Variants in FBXO4 observed in about 807,000 individuals in gnomAD.
FBXO4 encodes F-box protein 4.
FBXO4 carries 36 observed loss-of-function variants against 43.7 expected under a neutral mutation model. That is an observed-to-expected ratio of 0.82 (90% CI 0.63 to 1.09). The LOEUF is 1.09. FBXO4 is among the 50% of genes least tolerant of loss of function. The pLI is 0.00. For synonymous variants in FBXO4, 180 were observed against 165.6 expected (o/e 1.09, Z -0.67); for missense variants, 435 against 474.1 (o/e 0.92, Z 0.77).
At chr5:42,006,916 A>ATATATATATG in the FBXO4 span, among the ~76,000 whole-genome samples, 1 of 140,908 alleles carries the variant, frequency 7.1e-6, no homozygotes, top group African/African-American at 2.6e-5. Context: ...ATATATATAT[A>ATATATATATG]TGTATATACA....
the FBXO4 span, among the ~76,000 whole-genome samples, chr5:41,956,369 G>A: frequency 6.6e-6 from 1 of 152,222 alleles, no homozygotes; most frequent in Non-Finnish European, 1.5e-5. Context: ...AGAAATAAAT[G>A]ATTGTTGAAC....
At chr5:41,944,995 T>C (rs10060170), downstream of FBXO4, among the ~76,000 whole-genome samples, 17,513 of 152,228 alleles carry the variant, frequency 0.12, 1,550 homozygotes, top group African/African-American at 0.24. Context: ...CTAGGAAGGA[T>C]TTGACAAGTT....
chr5:42,012,351 T>A, the FBXO4 span, among the ~76,000 whole-genome samples: 1 of 152,134 alleles, frequency 6.6e-6, no homozygotes, highest in Non-Finnish European at 1.5e-5. Flanking sequence ...TCTGTGTGTG[T>A]GTACACTGAA....
chr5:41,930,736 C>T (rs1048931456), intron 3 of FBXO4, among the ~76,000 whole-genome samples: 5 of 150,312 alleles, frequency 3.3e-5, no homozygotes, highest in Non-Finnish European at 5.9e-5. Context: ...GGCGCGATCT[C>T]GGCTCACTGC....
At chr5:42,032,057 CTGTGTGTGTGTG>C in the FBXO4 span, among the ~76,000 whole-genome samples, 51 of 139,324 alleles carry the variant, frequency 3.7e-4, no homozygotes, top group Admixed American at 5.7e-4. Context: ...GTCTTTTTTT[CTGTGTGTGTGTG>C]TGTGTGTGTG....
At chr5:41,957,998 G>A in the FBXO4 span, among the ~76,000 whole-genome samples, 1 of 151,990 alleles carries the variant, frequency 6.6e-6, no homozygotes, top group Non-Finnish European at 1.5e-5. Context: ...AATTATATAT[G>A]CTTATGGGGC....
chr5:41,927,673 T>A (rs565712562), intron 2 of FBXO4, among the ~76,000 whole-genome samples: 1 of 152,236 alleles, frequency 6.6e-6, no homozygotes, highest in African/African-American at 2.4e-5. Flanking sequence ...AGCACTGACA[T>A]TTTTTAATAT....
At chr5:42,005,925 C>T in the FBXO4 span, among the ~76,000 whole-genome samples, 1 of 152,092 alleles carries the variant, frequency 6.6e-6, no homozygotes, top group Non-Finnish European at 1.5e-5. Flanking sequence ...ACCCCTTAGC[C>T]TGGATCCTAA....
intron 5 of FBXO4, chr5:41,935,140 G>A (rs1375837349): frequency 6.1e-6 from 6 of 985,070 alleles, no homozygotes; most frequent in Non-Finnish European, 6.0e-6. Flanking sequence ...GCATGTTGCA[G>A]TTACAATTGG....
At chr5:42,002,754 G>T in the FBXO4 span, among the ~76,000 whole-genome samples, 1 of 151,856 alleles carries the variant, frequency 6.6e-6, no homozygotes, top group East Asian at 1.9e-4. Flanking sequence ...TTGCCTTCAC[G>T]TGTACTCCAA....
At chr5:41,933,891 T>A (rs1215449478) in intron 3 of FBXO4, 55 bp from the exon 4 acceptor site, 3 of 1,443,556 alleles carry the variant, frequency 2.1e-6, no homozygotes, top group Admixed American at 1.9e-5. Context: ...TTCAGTGTGA[T>A]CTTTTGCTAT....
At chr5:41,998,411 C>A in the FBXO4 span, among the ~76,000 whole-genome samples, 1 of 152,188 alleles carries the variant, frequency 6.6e-6, no homozygotes, top group Admixed American at 6.5e-5. Flanking sequence ...AGTCACTAAT[C>A]CACTCCACCA....
the FBXO4 span, among the ~76,000 whole-genome samples, chr5:42,035,120 T>C: frequency 6.6e-6 from 1 of 152,082 alleles, no homozygotes; most frequent in African/African-American, 2.4e-5. Context: ...GGGTCTCTGC[T>C]TGTCTGTTGT....
chr5:41,976,844 C>T, the FBXO4 span, among the ~76,000 whole-genome samples: 12 of 152,238 alleles, frequency 7.9e-5, no homozygotes, highest in African/African-American at 2.7e-4. Flanking sequence ...CCTCTTCACA[C>T]GGCCCTAGTA....
the FBXO4 span, among the ~76,000 whole-genome samples, chr5:41,976,130 A>T: frequency 1.3e-5 from 2 of 152,098 alleles, no homozygotes; most frequent in Non-Finnish European, 2.9e-5. Context: ...TGTTTCTATG[A>T]TCCAAACATC....
chr5:42,029,635 AT>A, the FBXO4 span, among the ~76,000 whole-genome samples: 12 of 151,544 alleles, frequency 7.9e-5, no homozygotes, highest in East Asian at 5.8e-4. Flanking sequence ...GTTTTTATTT[AT>A]TTTTTTATTT....
At chr5:42,009,375 A>ATGTG in the FBXO4 span, among the ~76,000 whole-genome samples, 657 of 143,682 alleles carry the variant, frequency 4.6e-3, 5 homozygotes, top group African/African-American at 0.014. Flanking sequence ...GTGTGTGTGT[A>ATGTG]TGTGTGTGTG....
chr5:41,934,136 G>C lies in FBXO4; in HGVS notation c.726G>C (p.Lys242Asn). Residue 242 changes from lysine to asparagine, a missense_variant, in exon 5 of 7, where the codon AAG (lysine) becomes AAC (asparagine). Physicochemically the swap from Lys to Asn is moderately conservative, Grantham distance 94. Coordinates refer to ENST00000281623, the MANE Select transcript of FBXO4 (RefSeq NM_012176.3). Reference sequence around the variant, plus strand: ...GTCTTTACAATTTTTTTTCTAGAAAGGAAAGAGATAGAGCAAGGGAAGAGC... The same window carrying C: ...GTCTTTACAATTTTTTTTCTAGAAACGAAAGAGATAGAGCAAGGGAAGAGC... ...NILILYSTTR[K>N]ERDRAREEHT... 1 of 1,613,804 alleles carries C rather than the reference G, an allele frequency of 6.2e-7. No individual in the cohort carries two copies. The highest frequency in any genetic ancestry group is 1.1e-5 in the South Asian group (1 of 91,054).
rs117477317 is a variant in FBXO4, at chr5:41,936,944, A to G, written c.899-2497A>G. Among the ~76,000 whole-genome samples, 12 of 152,268 alleles carry G rather than the reference A, an allele frequency of 7.9e-5. No homozygotes were observed. The East Asian group carries it at 2.3e-3, about 29-fold the overall frequency. On this transcript the variant is annotated intron_variant, in intron 5 of 6. Transcript: ENST00000281623. ...TCACTTAGCTCTGCTATTGCAGTGC[A>G]AAAGCAGCAGAGACAATACGTAAAT... is the stretch of plus-strand genomic sequence containing the variant.
Sources: gnomAD v4.1 joint callset for allele counts (sites outside exome capture counted in the v4.1 genomes callset) on GRCh38, gnomAD v4.1.1 for gene constraint, MANE v1.5 for transcripts, NCBI Gene and HGNC (gene_info 2026-07-23, HGNC 2026-07-21) for gene names.